Variants in PHEX observed in about 807,000 individuals in gnomAD.
The protein encoded by PHEX is phosphate regulating endopeptidase X-linked, also known as phosphate-regulating neutral endopeptidase PHEX.
In PHEX, 16 loss-of-function variants were observed where a neutral mutation model predicts 68.0. That is an observed-to-expected ratio of 0.24 (90% CI 0.16 to 0.36). The LOEUF (loss-of-function observed/expected upper bound fraction) is 0.36, where lower values mean the gene tolerates loss of function less well. PHEX is among the 10% of genes least tolerant of loss of function. PHEX has a pLI of 1.00. For missense variants in PHEX, 480 were observed against 575.5 expected, an observed-to-expected ratio of 0.83 and a Z score of 1.70; for synonymous variants, 208 against 205.1, an observed-to-expected ratio of 1.01 and a Z score of -0.12.
chrX:22,045,641 TTC>T (rs1464016164), intron 2 of PHEX, among the ~76,000 whole-genome samples: 7 of 112,720 alleles, frequency 6.2e-5, no homozygotes, highest in Non-Finnish European at 1.1e-4. Flanking sequence ...TATTGTGTCT[TTC>T]TGTTAACTTA....
intron 18 of PHEX, among the ~76,000 whole-genome samples, chrX:22,222,166 T>C (rs931004935): frequency 8.9e-6 from 1 of 111,865 alleles, no homozygotes; most frequent in African/African-American, 3.3e-5. Context: ...TCTGTATCCT[T>C]GAATGGTGTC....
chrX:22,132,003 C>T (rs1255176133), intron 11 of PHEX, among the ~76,000 whole-genome samples: 2 of 112,388 alleles, frequency 1.8e-5, no homozygotes, highest in African/African-American at 3.2e-5. Flanking sequence ...CACGTACATC[C>T]TCACTATGGG....
chrX:22,176,384 CAA>C (rs61277745), intron 13 of PHEX, among the ~76,000 whole-genome samples: 3,082 of 73,537 alleles, frequency 0.042, 47 homozygotes, highest in South Asian at 0.16. Context: ...GAGACTGTCT[CAA>C]AAAAAAAAAA....
At chrX:22,070,718 G>A (rs1054781835) in intron 3 of PHEX, among the ~76,000 whole-genome samples, 3 of 111,171 alleles carry the variant, frequency 2.7e-5, no homozygotes, top group African/African-American at 9.8e-5. Flanking sequence ...CAAGCAAGTG[G>A]CTCCAGGATT....
rs758973292 is a variant in PHEX at position 22,096,943 on chromosome X, T to C, written c.850-12T>C. The C allele has an allele frequency of 2.6e-6, 3 of 1,172,062 alleles. No individual in the cohort carries two copies. The South Asian group carries it at 5.4e-5, about 21-fold the overall frequency. On this transcript the variant is annotated splice_polypyrimidine_tract_variant and intron_variant, in intron 7 of 21. Coordinates refer to ENST00000379374, the MANE Select transcript of PHEX (RefSeq NM_000444.6). Reference sequence around the variant, plus strand: ...CACTTGAAAAAAAATAACAAAAATCTCTTTTCAACAGATAATGATTCCACA... The same window carrying C: ...CACTTGAAAAAAAATAACAAAAATCCCTTTTCAACAGATAATGATTCCACA...
intron 20 of PHEX, among the ~76,000 whole-genome samples, chrX:22,236,619 A>G (rs1935990236): frequency 8.9e-6 from 1 of 112,932 alleles, no homozygotes; most frequent in Admixed American, 9.3e-5. Flanking sequence ...GTTTTATTGG[A>G]AAGCAGCCAC....
At chrX:22,080,726 C>CA (rs201283024) in intron 5 of PHEX, among the ~76,000 whole-genome samples, 21 of 95,975 alleles carry the variant, frequency 2.2e-4, no homozygotes, top group Middle Eastern at 5.6e-3. Context: ...AGTTAAAAAA[C>CA]AAACAAAAAA....
intron 20 of PHEX, among the ~76,000 whole-genome samples, chrX:22,232,982 A>C (rs1262353595): frequency 1.8e-5 from 2 of 110,920 alleles, no homozygotes; most frequent in Non-Finnish European, 3.8e-5. Context: ...AGCTCTTGTA[A>C]GGAAGGCCTG....
chrX:22,241,571 T>A (rs1298605287), intron 20 of PHEX, among the ~76,000 whole-genome samples: 3 of 110,656 alleles, frequency 2.7e-5, no homozygotes, highest in Admixed American at 9.6e-5. Flanking sequence ...ATAGACGCAA[T>A]AAAAAATGAT....
At chrX:22,197,763 G>A (rs1233556384) in intron 15 of PHEX, among the ~76,000 whole-genome samples, 1 of 111,277 alleles carries the variant, frequency 9.0e-6, no homozygotes, top group Non-Finnish European at 1.9e-5. Flanking sequence ...GCATGCCCAG[G>A]TACTAACTGA....
At chrX:22,093,466 G>A (rs1376192970) in intron 6 of PHEX, among the ~76,000 whole-genome samples, 3 of 111,855 alleles carry the variant, frequency 2.7e-5, no homozygotes, top group South Asian at 7.5e-4. Flanking sequence ...TGTGAAAACT[G>A]TAAAAACCTG....
At chrX:22,149,295 G>C (rs1174351759) in intron 12 of PHEX, among the ~76,000 whole-genome samples, 1 of 112,124 alleles carries the variant, frequency 8.9e-6, no homozygotes, top group African/African-American at 3.2e-5. Context: ...GAACTGAGTG[G>C]AATAGACCTG....
intron 13 of PHEX, among the ~76,000 whole-genome samples, chrX:22,174,432 A>T (rs1038918986): frequency 7.1e-5 from 8 of 112,029 alleles, no homozygotes; most frequent in Non-Finnish European, 1.3e-4. Flanking sequence ...GGGCCTTTTG[A>T]AATATTTAAA....
chrX:22,074,069 T>C (rs1180581106), intron 3 of PHEX, among the ~76,000 whole-genome samples: 2 of 111,704 alleles, frequency 1.8e-5, no homozygotes, highest in Non-Finnish European at 3.8e-5. Flanking sequence ...CCTGTATGGG[T>C]GACCCATGAG....
intron 20 of PHEX, among the ~76,000 whole-genome samples, chrX:22,241,588 G>A (rs982655657): frequency 4.5e-5 from 5 of 111,366 alleles, no homozygotes; most frequent in South Asian, 3.8e-4. Context: ...TGATAAAGGC[G>A]ACATCACCAC....
chrX:22,085,342 A>C (rs1337860225), intron 5 of PHEX, among the ~76,000 whole-genome samples: 1 of 111,177 alleles, frequency 9.0e-6, no homozygotes, highest in East Asian at 2.8e-4. Flanking sequence ...TGGGAGGTCG[A>C]GGCAGGTGGA....
intron 9 of PHEX, 63 bp from the exon 10 acceptor site, chrX:22,111,404 G>T: frequency 2.2e-6 from 2 of 892,838 alleles, no homozygotes; most frequent in Non-Finnish European, 3.3e-6. Flanking sequence ...CTCTCAAGAT[G>T]TTCTGCAGAG....
intron 20 of PHEX, among the ~76,000 whole-genome samples, chrX:22,234,784 T>TGTCTTGC (rs1236950011): frequency 9.4e-6 from 1 of 106,734 alleles, no homozygotes; most frequent in African/African-American, 3.5e-5. Context: ...TGAACGGTTC[T>TGTCTTGC]GTCTTGCTGG....
intron 12 of PHEX, among the ~76,000 whole-genome samples, chrX:22,137,368 G>A (rs1244929292): frequency 8.9e-6 from 1 of 112,153 alleles, no homozygotes; most frequent in East Asian, 2.8e-4. Flanking sequence ...GCATCCTAAT[G>A]ATGCTCTGAG....
Sources: allele counts gnomAD v4.1 joint callset (sites outside exome capture counted in the v4.1 genomes callset), GRCh38; gene constraint gnomAD v4.1.1; transcripts MANE v1.5; gene names NCBI Gene and HGNC (gene_info 2026-07-23, HGNC 2026-07-21).